The following RUNDC1 variants were observed in gnomAD, a reference collection of about 807,000 sequenced individuals.
The protein encoded by RUNDC1 is RUN domain-containing protein 1.
RUNDC1 carries 31 observed loss-of-function variants against 49.3 expected under a neutral mutation model. That is an observed-to-expected ratio of 0.63 (90% CI 0.47 to 0.85). RUNDC1 has a LOEUF of 0.85. Ranked by LOEUF, RUNDC1 falls within the 40% of genes least tolerant of loss-of-function variation. The pLI is 0.00. For synonymous variants in RUNDC1, 347 were observed against 348.6 expected (o/e 1.00, Z 0.05); for missense variants, 715 against 806.7 (o/e 0.89, Z 1.38).
At position 42,995,141 on chromosome 17, in the gene RUNDC1, C is replaced by T. The variant is rs1200545147; in HGVS notation, c.*3425C>T. Reference sequence around the variant, plus strand: ...TGTTAAAATATAGATTGCTGGGTCCCATCCCCAGAGTTTTTTATTGAGTTG... The same window carrying T: ...TGTTAAAATATAGATTGCTGGGTCCTATCCCCAGAGTTTTTTATTGAGTTG... On this transcript the variant is annotated 3_prime_UTR_variant, in exon 5 of 5. Coordinates refer to ENST00000361677, the MANE Select transcript of RUNDC1 (RefSeq NM_173079.5). Among the ~76,000 whole-genome samples, 4 of 152,136 alleles carry T rather than the reference C, an allele frequency of 2.6e-5. No homozygotes were observed. The highest frequency in any genetic ancestry group is 4.8e-5 in the African/African-American group (2 of 41,420).
intron 2 of RUNDC1, among the ~76,000 whole-genome samples, chr17:42,988,032 G>A (rs967884574): frequency 1.7e-4 from 26 of 152,256 alleles, no homozygotes; most frequent in Admixed American, 1.5e-3. Flanking sequence ...GATTACAGGC[G>A]TGAGCCACCG....
intron 1 of RUNDC1, among the ~76,000 whole-genome samples, chr17:42,986,613 T>G (rs529623253): frequency 5.5e-4 from 83 of 152,218 alleles, no homozygotes; most frequent in African/African-American, 1.9e-3. Context: ...TCCTCCTGCT[T>G]CAGCCTCCCA....
intron 2 of RUNDC1, 85 bp downstream of exon 2, chr17:42,987,499 A>C: frequency 4.0e-5 from 54 of 1,353,106 alleles, no homozygotes; most frequent in Non-Finnish European, 5.2e-5. Flanking sequence ...CTCTCAGCTC[A>C]GTTCTCCTTT....
intron 1 of RUNDC1, among the ~76,000 whole-genome samples, chr17:42,985,374 C>T (rs550178005): frequency 4.5e-4 from 68 of 152,206 alleles, no homozygotes; most frequent in African/African-American, 1.6e-3. Context: ...TGTGAACAAC[C>T]TCTAGAGGAA....
intron 1 of RUNDC1, among the ~76,000 whole-genome samples, chr17:42,982,901 C>A (rs1195995292): frequency 1.3e-5 from 2 of 150,880 alleles, no homozygotes; most frequent in African/African-American, 4.9e-5. Flanking sequence ...GCAGGAGAAT[C>A]GCTTGAACCT....
intron 1 of RUNDC1, 184 bp downstream of exon 1, chr17:42,981,258 G>C (rs939239928): frequency 1.4e-6 from 1 of 711,284 alleles, no homozygotes; most frequent in African/African-American, 1.9e-5. Context: ...AGAGGCCTGG[G>C]AACCTGAGGG....
chr17:42,991,392 A>T lies in RUNDC1; in HGVS notation c.1518A>T (p.Gly506=). The T allele has an allele frequency of 1.2e-6, 2 of 1,614,186 alleles. No individual in the cohort carries two copies. Among genetic ancestry groups the T allele is most frequent in the Non-Finnish European group, 1.7e-6 (2 of 1,180,036 alleles). The change falls in exon 5 of 5, where the codon GGA becomes GGT. Residue 506 remains glycine, a synonymous_variant. Coordinates refer to ENST00000361677, the MANE Select transcript of RUNDC1 (RefSeq NM_173079.5). ...AGTCCTTCGCCCTTCCTGTTACGGGAGGCACTGTTGTCACCCCCAAACAGA... is the reference window on the plus strand; with the variant it reads ...AGTCCTTCGCCCTTCCTGTTACGGGTGGCACTGTTGTCACCCCCAAACAGA... ...LSQSFALPVT[G]GTVVTPKQSL...
intron 2 of RUNDC1, among the ~76,000 whole-genome samples, chr17:42,988,706 C>T (rs1339284548): frequency 6.6e-6 from 1 of 152,056 alleles, no homozygotes; most frequent in Non-Finnish European, 1.5e-5. Context: ...AGGCCAGTTG[C>T]AGTGGCTCGT....
At position 42,989,476 on chromosome 17, in the gene RUNDC1, C is replaced by G. The variant is rs2050210710; in HGVS notation, c.793C>G (p.Gln265Glu). Residue 265 changes from glutamine (Q) to glutamate (E), a missense_variant, in exon 3 of 5, where the codon CAG becomes GAG. Gln to Glu is a conservative substitution (Grantham distance 29, BLOSUM62 2). Coordinates refer to ENST00000361677, the MANE Select transcript of RUNDC1 (RefSeq NM_173079.5). The part of the protein sequence containing the change: ...QIVNPARVKE[Q>E]LVEQLKTQIR... Reference sequence around the variant, plus strand: ...CGTCAACCCAGCCCGAGTCAAAGAACAGTTGGTTGAGCAACTGAAAACTCA... The same window carrying G: ...CGTCAACCCAGCCCGAGTCAAAGAAGAGTTGGTTGAGCAACTGAAAACTCA... The G allele has an allele frequency of 6.2e-7, 1 of 1,614,108 alleles. No individual in the cohort carries two copies.
rs760518488 is a variant in RUNDC1, at chr17:42,990,939, C to A, written c.1065C>A (p.Ser355Arg). The A allele has an allele frequency of 5.0e-6, 8 of 1,613,474 alleles. No homozygotes were observed. In the South Asian group the frequency reaches 8.8e-5, roughly 18 times the overall value. The change falls in exon 5 of 5, where the codon AGC (serine) becomes AGA (arginine). Residue 355 changes from serine (S) to arginine (R), a missense_variant. Physicochemically the swap from Ser to Arg is moderately radical, Grantham distance 110 (BLOSUM62 -1). This residue lies in a region of RUNDC1 where 425 missense variants were observed against 499.7 expected (regional missense o/e 0.85). Transcript: ENST00000361677. ...CCGTGCTCCAGATCTTTGCTGTTAGCCAGTTTGGTTGTGCCACAGGCCAGA... is the reference window on the plus strand; with the variant it reads ...CCGTGCTCCAGATCTTTGCTGTTAGACAGTTTGGTTGTGCCACAGGCCAGA... The part of the protein sequence containing the change: ...ALAVLQIFAV[S>R]QFGCATGQIP...
chr17:42,984,222 C>T (rs915984032), intron 1 of RUNDC1, among the ~76,000 whole-genome samples: 3 of 152,002 alleles, frequency 2.0e-5, no homozygotes, highest in Non-Finnish European at 2.9e-5. Context: ...GCCACCCTCC[C>T]ACCTTAGCCT....
rs578105215 is a variant in RUNDC1 at position 42,992,568 on chromosome 17, C to CA, written c.*875dup. On this transcript the variant is annotated 3_prime_UTR_variant, in exon 5 of 5. Transcript: ENST00000361677. ...TGGGCAACACAGGGAGACTCCATCTCAAAAAAAAAAAAAAAAAAAAAAAGA... is the reference window on the plus strand; with the variant it reads ...TGGGCAACACAGGGAGACTCCATCTCAAAAAAAAAAAAAAAAAAAAAAAAGA... 0.26 allele frequency: 13,951 copies of CA among 53,508 alleles called. 1,543 individuals are homozygous for CA. Among genetic ancestry groups the CA allele is most frequent in the Non-Finnish European group, 0.31 (8,340 of 27,154 alleles). The allele number at this position is 53,508 out of a possible 1,614,324, so 3.3% of individuals were successfully genotyped here.
chr17:42,986,788 C>T (rs576462139), intron 1 of RUNDC1, among the ~76,000 whole-genome samples: 11 of 152,246 alleles, frequency 7.2e-5, no homozygotes, highest in South Asian at 2.1e-4. Flanking sequence ...CGTGAGCTAC[C>T]GGGCCCGGCC....
rs1490477449 is a variant in RUNDC1 at position 42,983,876 on chromosome 17, C to T, written c.498+2802C>T. Reference sequence around the variant, plus strand: ...TAGTAGAGATGGGGTTTTGCCATGTCGGCCAGGCTGGTCTCGAACTCCTGG... The same window carrying T: ...TAGTAGAGATGGGGTTTTGCCATGTTGGCCAGGCTGGTCTCGAACTCCTGG... On this transcript the variant is annotated intron_variant, in intron 1 of 4. Coordinates refer to ENST00000361677, the MANE Select transcript of RUNDC1 (RefSeq NM_173079.5). Among the ~76,000 whole-genome samples the T allele has an allele frequency of 4.0e-5, 6 of 150,882 alleles. No homozygotes were observed. The South Asian group carries it at 1.3e-3, about 32-fold the overall frequency.
In RUNDC1 at chr17:42,991,262, TCTC is replaced by T; in HGVS notation, c.1392_1394del (p.Ser465del). 2.5e-6 allele frequency: 4 copies of T among 1,614,176 alleles called. No homozygotes were observed. Among genetic ancestry groups the T allele is most frequent in the Non-Finnish European group, 3.4e-6 (4 of 1,180,024 alleles). On this transcript the variant is annotated inframe_deletion, in exon 5 of 5. Transcript: ENST00000361677. ...CCTATTGCTTGTTTGCTGCCAGCCT[TCTC>T]CTCGGCCCCAGAGGCCATGCACCCG... is the stretch of plus-strand genomic sequence containing the variant.
Position 42,989,446 on chromosome 17 carries a change from C to T in RUNDC1, c.763C>T (p.Gln255Ter). Residue 255 changes from glutamine (Q) to a stop codon, truncating the protein, a stop_gained, in exon 3 of 5, where the codon CAG (glutamine) becomes TAG (stop). Coordinates refer to ENST00000361677, the MANE Select transcript of RUNDC1 (RefSeq NM_173079.5). LOFTEE classifies it high-confidence loss of function. ...LRQRVDAAVAQIVNPARVKEQ... is the reference protein window; with the variant it reads ...LRQRVDAAVA Reference sequence around the variant, plus strand: ...TCAGCGTGTAGATGCAGCAGTGGCTCAGATCGTCAACCCAGCCCGAGTCAA... The same window carrying T: ...TCAGCGTGTAGATGCAGCAGTGGCTTAGATCGTCAACCCAGCCCGAGTCAA... The T allele has an allele frequency of 6.2e-7, 1 of 1,614,046 alleles. No homozygotes were observed. The highest frequency in any genetic ancestry group is 8.5e-7 in the Non-Finnish European group (1 of 1,180,008).
intron 2 of RUNDC1, among the ~76,000 whole-genome samples, chr17:42,987,951 C>A (rs2050191554): frequency 6.6e-6 from 1 of 152,104 alleles, no homozygotes; most frequent in Non-Finnish European, 1.5e-5. Context: ...GGGGTTTCTC[C>A]ATGTTGGTCA....
chr17:42,985,814 A>G (rs982244961), intron 1 of RUNDC1, among the ~76,000 whole-genome samples: 9 of 152,162 alleles, frequency 5.9e-5, no homozygotes, highest in African/African-American at 1.9e-4. Context: ...ACAAGACTTT[A>G]CCACCCTGAA....
intron 1 of RUNDC1, among the ~76,000 whole-genome samples, chr17:42,984,380 A>G (rs955634355): frequency 9.3e-5 from 14 of 151,108 alleles, no homozygotes; most frequent in Non-Finnish European, 2.1e-4. Flanking sequence ...TCCTAGGTTC[A>G]AGCTGTTCTG....
Sources: allele counts gnomAD v4.1 joint callset (sites outside exome capture counted in the v4.1 genomes callset), GRCh38; gene constraint gnomAD v4.1.1; regional missense constraint gnomAD v4.1.1; transcripts MANE v1.5; gene names NCBI Gene and HGNC (gene_info 2026-07-23, HGNC 2026-07-21).